XIRP2: variants seen among roughly 807,000 people sequenced by gnomAD.
The protein encoded by XIRP2 is xin actin-binding repeat-containing protein 2.
In XIRP2, 236 loss-of-function variants were observed where a neutral mutation model predicts 277.0. The observed-to-expected ratio is 0.85, with a 90% CI of 0.77 to 0.95. XIRP2 has a LOEUF of 0.95. XIRP2 is among the 40% of genes least tolerant of loss of function. The pLI is 0.00. For missense variants in XIRP2, 4,640 were observed against 4,157.5 expected (o/e 1.12, Z -3.19); for synonymous variants, 1,490 against 1,416.5 (o/e 1.05, Z -1.17).
chr2:167,156,997 A>G (rs1692222741), intron 3 of XIRP2, among the ~76,000 whole-genome samples: 1 of 152,124 alleles, frequency 6.6e-6, no homozygotes, highest in African/African-American at 2.4e-5. Flanking sequence ...TTCAATCTAA[A>G]AATACCCATC....
chr2:166,930,842 C>T (rs972817302), intron 2 of XIRP2, among the ~76,000 whole-genome samples: 7 of 152,004 alleles, frequency 4.6e-5, no homozygotes, highest in South Asian at 4.2e-4. Context: ...TGAAAAAAGA[C>T]GTAAATTTGA....
chr2:167,145,656 A>G (rs1050497306), intron 3 of XIRP2, among the ~76,000 whole-genome samples: 1 of 152,222 alleles, frequency 6.6e-6, no homozygotes, highest in African/African-American at 2.4e-5. Context: ...GCAACTCAGG[A>G]TGCTAGAAGG....
intron 10 of XIRP2, among the ~76,000 whole-genome samples, chr2:167,257,263 C>T (rs1482725261): frequency 6.6e-6 from 1 of 151,916 alleles, no homozygotes; most frequent in Non-Finnish European, 1.5e-5. Flanking sequence ...CTTGTCACTT[C>T]ATTTAGTTGT....
Position 167,259,362 on chromosome 2 carries a change from A to G in XIRP2, c.*1545A>G, listed in dbSNP as rs367868287. 1.1e-5 allele frequency: 17 copies of G among 1,598,024 alleles called. No individual in the cohort carries two copies. Among genetic ancestry groups the G allele is most frequent in the Non-Finnish European group, 1.4e-5 (16 of 1,173,704 alleles). ...AACAGGTGCTACAGTGACACTGAGT[A>G]AAATATCTATGGCCACTGACAGTCC... On this transcript the variant is annotated 3_prime_UTR_variant, in exon 11 of 11. Coordinates refer to ENST00000409195, the MANE Select transcript of XIRP2 (RefSeq NM_152381.6).
chr2:167,249,721 G>A lies in XIRP2; in HGVS notation c.8329G>A (p.Glu2777Lys), dbSNP rs758117835. ...AAGACATTATCAGTTACCTAAGAAG[G>A]AGAAAAGAGTGACAGTACAATTGCC... is the stretch of plus-strand genomic sequence containing the variant. Reference protein sequence around the residue: ...AERHYQLPKKEKRVTVQLPTE... With the variant: ...AERHYQLPKKKKRVTVQLPTE... The change falls in exon 9 of 11, where the codon GAG (glutamate) becomes AAG (lysine). Residue 2777 changes from glutamate (E) to lysine (K), a missense_variant. Physicochemically the swap from Glu to Lys is moderately conservative, Grantham distance 56. Coordinates refer to ENST00000409195, the MANE Select transcript of XIRP2 (RefSeq NM_152381.6). 3.1e-6 allele frequency: 5 copies of A among 1,613,218 alleles called. No individual in the cohort carries two copies. The highest frequency in any genetic ancestry group is 3.4e-6 in the Non-Finnish European group (4 of 1,179,734).
In XIRP2 at chr2:167,248,161, A is replaced by G. The variant is rs767687221; in HGVS notation, c.6769A>G (p.Thr2257Ala). The G allele has an allele frequency of 1.9e-6, 3 of 1,613,750 alleles. No homozygotes were observed. Among genetic ancestry groups the G allele is most frequent in the Non-Finnish European group, 2.5e-6 (3 of 1,179,824 alleles). The change falls in exon 9 of 11, where the codon ACA (threonine) becomes GCA (alanine). Residue 2257 changes from threonine to alanine, a missense_variant. Physicochemically the swap from Thr to Ala is moderately conservative, Grantham distance 58. Coordinates refer to ENST00000409195, the MANE Select transcript of XIRP2 (RefSeq NM_152381.6). The stretch of plus-strand genomic sequence containing the variant: ...GAAAAGCCAGGACTTTCTAATGAAA[A>G]CAAATACTTCCACAGGCTTAAAAAT... The part of the protein sequence containing the change: ...HLKSQDFLMK[T>A]NTSTGLKMAM...
chr2:166,974,961 G>T (rs1380853890), intron 2 of XIRP2, among the ~76,000 whole-genome samples: 1 of 151,808 alleles, frequency 6.6e-6, no homozygotes, highest in Non-Finnish European at 1.5e-5. Context: ...GCAAATATTA[G>T]AACACAAGAA....
Position 167,154,843 on chromosome 2 carries a change from A to C in XIRP2, c.562+18781A>C, listed in dbSNP as rs560179207. On this transcript the variant is annotated intron_variant, in intron 3 of 10. Transcript: ENST00000409195. ...GAAAGGATCAACAAAATTGATAGAC[A>C]GCTAGCAAGACTAATAAAGAAGAAA... Among the ~76,000 whole-genome samples, 14 of 151,946 alleles carry C rather than the reference A, an allele frequency of 9.2e-5. No homozygotes were observed. In the South Asian group the frequency reaches 1.7e-3, roughly 18 times the overall value.
chr2:167,250,705 G>C lies in XIRP2; in HGVS notation c.9313G>C (p.Asp3105His), dbSNP rs369944055. 1.2e-6 allele frequency: 2 copies of C among 1,613,508 alleles called. No individual in the cohort carries two copies. The highest frequency in any genetic ancestry group is 2.7e-5 in the African/African-American group (2 of 74,844). Residue 3105 changes from aspartate (D) to histidine (H), a missense_variant, in exon 9 of 11, where the codon GAT (aspartate) becomes CAT (histidine). Transcript: ENST00000409195. ...GAAAACCCATCAGGAAATTAAACTT[G>C]ATGATAGCAACATTCCTCCTCCCTC... ...HVKTHQEIKL[D>H]DSNIPPPSLK...
At chr2:167,154,422 A>C (rs1439912628) in intron 3 of XIRP2, among the ~76,000 whole-genome samples, 2 of 150,606 alleles carry the variant, frequency 1.3e-5, no homozygotes, top group Non-Finnish European at 3.0e-5. Context: ...ATTAGATCCC[A>C]TTTGTCAATT....
chr2:167,241,712 A>G (rs1289581726), intron 7 of XIRP2, 65 bp from the exon 8 acceptor site: 2 of 1,523,116 alleles, frequency 1.3e-6, no homozygotes, highest in Non-Finnish European at 1.8e-6. Context: ...GCCCAGCCAT[A>G]ATTTCTTCTT....
intron 2 of XIRP2, among the ~76,000 whole-genome samples, chr2:167,115,892 T>C (rs192914277): frequency 2.0e-5 from 3 of 152,324 alleles, no homozygotes; most frequent in Admixed American, 2.0e-4. Flanking sequence ...TTTTGATCCA[T>C]GGATTGTTTA....
rs374782234 is a variant in XIRP2, at chr2:167,246,927, A to G, written c.5535A>G (p.Leu1845=). The change falls in exon 9 of 11, where the codon CTA becomes CTG. Residue 1845 remains leucine (L), a synonymous_variant. Transcript: ENST00000409195. ...EIIKGDLTST[L]NSLSQAVNQK... is the part of the protein sequence containing the mutation. ...TAAAAGGTGATTTGACATCAACCCT[A>G]AATTCCCTCAGCCAGGCTGTAAATC... The G allele has an allele frequency of 2.5e-6, 4 of 1,613,298 alleles. No homozygotes were observed. The highest frequency in any genetic ancestry group is 1.3e-5 in the African/African-American group (1 of 74,874).
chr2:167,228,756 G>A (rs991192535), intron 5 of XIRP2, among the ~76,000 whole-genome samples: 1 of 152,024 alleles, frequency 6.6e-6, no homozygotes, highest in Non-Finnish European at 1.5e-5. Flanking sequence ...TTCTTTCTAC[G>A]ATTCATTTTA....
chr2:167,135,434 C>T (rs1024055406), intron 2 of XIRP2, among the ~76,000 whole-genome samples: 6 of 151,972 alleles, frequency 3.9e-5, no homozygotes, highest in Non-Finnish European at 8.8e-5. Context: ...TGTATGCTGG[C>T]TGAATGGGCT....
intron 3 of XIRP2, among the ~76,000 whole-genome samples, chr2:167,201,260 AAGAG>A (rs369575681): frequency 2.2e-4 from 18 of 81,928 alleles, no homozygotes; most frequent in East Asian, 8.0e-4. Flanking sequence ...GAAAGAAAGA[AAGAG>A]AGAGGGAGAA....
chr2:166,925,596 CATATATATATATAT>C lies in XIRP2; in HGVS notation c.408+21724_408+21737del, dbSNP rs3060398. 4.9e-5 allele frequency among the ~76,000 whole-genome samples: 5 copies of C among 102,448 alleles called. No individual in the cohort carries two copies. The South Asian group carries it at 1.2e-3, about 24-fold the overall frequency. The allele number at this position is 102,448 out of a possible 152,430, so 67.2% of individuals were successfully genotyped here. On this transcript the variant is annotated intron_variant, in intron 2 of 10. Coordinates refer to ENST00000409195, the MANE Select transcript of XIRP2 (RefSeq NM_152381.6). Reference sequence around the variant, plus strand: ...GTATGTGTGTGTGTATGTGTATATACATATATATATATATATATATATATATATATACATATAAG... The same window carrying C: ...GTATGTGTGTGTGTATGTGTATATACATATATATATATATATACATATAAG...
intron 2 of XIRP2, among the ~76,000 whole-genome samples, chr2:166,969,555 C>A (rs1199398755): frequency 1.3e-5 from 2 of 150,704 alleles, no homozygotes; most frequent in Admixed American, 6.6e-5. Context: ...AAAAAAAAAA[C>A]TCCCTTTCAA....
chr2:166,981,077 T>G (rs571921696), intron 2 of XIRP2, among the ~76,000 whole-genome samples: 114 of 152,276 alleles, frequency 7.5e-4, no homozygotes, highest in African/African-American at 2.7e-3. Flanking sequence ...CAGTATATGT[T>G]ATATTTATGT....
Sources: allele counts gnomAD v4.1 joint callset (sites outside exome capture counted in the v4.1 genomes callset), GRCh38; gene constraint gnomAD v4.1.1; transcripts MANE v1.5; gene names NCBI Gene and HGNC (gene_info 2026-07-23, HGNC 2026-07-21).